Variants in PDE10A observed in about 807,000 individuals in gnomAD.
PDE10A encodes the protein cAMP and cAMP-inhibited cGMP 3',5'-cyclic phosphodiesterase 10A.
PDE10A carries 39 observed loss-of-function variants against 97.7 expected under a neutral mutation model. The observed-to-expected ratio is 0.40, with a 90% CI of 0.31 to 0.52. The LOEUF is 0.52. PDE10A is among the 20% of genes least tolerant of loss of function. The pLI, the probability that PDE10A is intolerant of heterozygous loss-of-function variation, is 0.56. For synonymous variants in PDE10A, 371 were observed against 376.8 expected (o/e 0.98, Z 0.18); for missense variants, 731 against 1,047.8 (o/e 0.70, Z 4.17).
chr6:165,368,836 G>T (rs1432271107), intron 18 of PDE10A, among the ~76,000 whole-genome samples: 1 of 152,154 alleles, frequency 6.6e-6, no homozygotes, highest in Non-Finnish European at 1.5e-5. Flanking sequence ...CCCAAGTAGG[G>T]GCAGACCGAC....
rs368812635 is a variant in PDE10A, at chr6:165,887,979, C to G, written c.-615+99550G>C. Among the ~76,000 whole-genome samples, 42 of 152,218 alleles carry G rather than the reference C, an allele frequency of 2.8e-4. 1 individual carries two copies. In the South Asian group the frequency reaches 8.3e-3, roughly 30 times the overall value. On this transcript the variant is annotated intron_variant, in intron 1 of 19. Coordinates refer to the PDE10A transcript ENST00000366882. ...TCTCTTACCTCACCCTGTTCCATTC[C>G]CTCTCCTCATTAATTTCCCTTCAGT...
At chr6:165,633,166 CT>C (rs1788714371) in intron 1 of PDE10A, among the ~76,000 whole-genome samples, 1 of 152,098 alleles carries the variant, frequency 6.6e-6, no homozygotes, top group South Asian at 2.1e-4. Context: ...GAGCAAATGC[CT>C]TTGGTTTAGA....
At chr6:165,456,525 C>A (rs1274284943) in intron 3 of PDE10A, among the ~76,000 whole-genome samples, 1 of 152,114 alleles carries the variant, frequency 6.6e-6, no homozygotes, top group Non-Finnish European at 1.5e-5. Context: ...CAGCTGTTCT[C>A]CATCTCTTTT....
At chr6:165,701,099 G>A (rs1791559064) in intron 1 of PDE10A, among the ~76,000 whole-genome samples, 2 of 152,236 alleles carry the variant, frequency 1.3e-5, no homozygotes, top group Admixed American at 1.3e-4. Flanking sequence ...AGCAAATATA[G>A]AACAAGCAGA....
intron 1 of PDE10A, among the ~76,000 whole-genome samples, chr6:165,875,729 C>CTGTTTTGTTT (rs1554334695): frequency 5.4e-5 from 2 of 36,778 alleles, no homozygotes; most frequent in African/African-American, 2.7e-4. Flanking sequence ...TTTTCTTTTA[C>CTGTTTTGTTT]TGTTTTTTTT....
intron 3 of PDE10A, among the ~76,000 whole-genome samples, chr6:165,454,325 C>T (rs1777811347): frequency 6.6e-6 from 1 of 152,144 alleles, no homozygotes; most frequent in Admixed American, 6.5e-5. Context: ...TTTGAGGCCA[C>T]TGAAATGTGT....
At chr6:165,982,924 C>T (rs1423444538) in intron 1 of PDE10A, among the ~76,000 whole-genome samples, 1 of 152,134 alleles carries the variant, frequency 6.6e-6, no homozygotes, top group Non-Finnish European at 1.5e-5. Flanking sequence ...CATTTGCACA[C>T]CAATTTTCTT....
intron 1 of PDE10A, among the ~76,000 whole-genome samples, chr6:165,921,921 G>A (rs539922949): frequency 7.2e-5 from 11 of 152,306 alleles, no homozygotes; most frequent in African/African-American, 9.6e-5. Context: ...CACTCCTGCC[G>A]CTGCTGGGAT....
intron 1 of PDE10A, among the ~76,000 whole-genome samples, chr6:165,602,301 C>CCT (rs1354595682): frequency 6.6e-6 from 1 of 152,184 alleles, no homozygotes; most frequent in East Asian, 1.9e-4. Flanking sequence ...CTTTCTCATG[C>CCT]CTCTTTCTCA....
At chr6:165,625,124 T>C (rs1280110886) in intron 1 of PDE10A, among the ~76,000 whole-genome samples, 2 of 102,036 alleles carry the variant, frequency 2.0e-5, no homozygotes, top group Middle Eastern at 4.8e-3. Context: ...GCCAGCCTTC[T>C]TCATTCAGGG....
intron 13 of PDE10A, among the ~76,000 whole-genome samples, chr6:165,399,157 T>C (rs550929297): frequency 6.6e-6 from 1 of 152,260 alleles, no homozygotes; most frequent in African/African-American, 2.4e-5. Context: ...CCTAATAAGA[T>C]AGTTTTGGTA....
chr6:165,725,601 G>A (rs1792273419), intron 1 of PDE10A, among the ~76,000 whole-genome samples: 2 of 151,550 alleles, frequency 1.3e-5, no homozygotes, highest in South Asian at 4.2e-4. Context: ...GGAGGCCCGT[G>A]GAGTCAGAGG....
chr6:165,435,052 T>C (rs969580683), intron 6 of PDE10A, among the ~76,000 whole-genome samples, 185 bp downstream of exon 6: 1 of 152,236 alleles, frequency 6.6e-6, no homozygotes, highest in African/African-American at 2.4e-5. Flanking sequence ...CATTTAGCTG[T>C]TAGTGGGTAA....
intron 1 of PDE10A, among the ~76,000 whole-genome samples, chr6:165,607,091 G>T (rs994081726): frequency 6.6e-6 from 1 of 152,092 alleles, no homozygotes; most frequent in Non-Finnish European, 1.5e-5. Context: ...AATGCTTTCA[G>T]AATACTTATT....
intron 2 of PDE10A, among the ~76,000 whole-genome samples, chr6:165,513,613 T>C (rs515579): frequency 0.35 from 53,818 of 152,016 alleles, 11,622 homozygotes; most frequent in Admixed American, 0.46. Flanking sequence ...TTTGAAATTA[T>C]GGATCAATTT....
Position 165,482,276 on chromosome 6 carries a change from C to T in PDE10A, c.1023+39G>A, listed in dbSNP as rs780891345. ...GAGATAAACAAAACAGATTCATTTC[C>T]TATACTGCAGTAGTAGAAATAATAT... On this transcript the variant is annotated intron_variant, in intron 3 of 21. Coordinates refer to ENST00000539869, the MANE Select transcript of PDE10A (RefSeq NM_001385079.1). The T allele has an allele frequency of 5.9e-6, 8 of 1,350,022 alleles. No individual in the cohort carries two copies. The Admixed American group carries it at 1.3e-4, about 23-fold the overall frequency. The allele number at this position is 1,350,022 out of a possible 1,614,324, so 83.6% of individuals were successfully genotyped here.
At chr6:165,707,224 TGCTGC>T (rs1359755048) in intron 1 of PDE10A, among the ~76,000 whole-genome samples, 1 of 152,242 alleles carries the variant, frequency 6.6e-6, no homozygotes, top group African/African-American at 2.4e-5. Flanking sequence ...AGAGTCCAGC[TGCTGC>T]GGCTCCCCCA....
At chr6:165,389,138 C>T (rs1399022170) in intron 16 of PDE10A, among the ~76,000 whole-genome samples, 1 of 152,026 alleles carries the variant, frequency 6.6e-6, no homozygotes, top group Non-Finnish European at 1.5e-5. Context: ...AGGATCAGGA[C>T]GGTGGCCAGT....
At chr6:165,372,627 C>A (rs1052249253) in intron 18 of PDE10A, among the ~76,000 whole-genome samples, 3 of 151,200 alleles carry the variant, frequency 2.0e-5, no homozygotes, top group Non-Finnish European at 1.5e-5. Context: ...TAGGAAGAAT[C>A]AATATTGTGA....
Sources: allele counts gnomAD v4.1 joint callset (sites outside exome capture counted in the v4.1 genomes callset), GRCh38; gene constraint gnomAD v4.1.1; transcripts MANE v1.5; gene names NCBI Gene and HGNC (gene_info 2026-07-23, HGNC 2026-07-21).